The following SH3PXD2A variants were observed in gnomAD, a reference collection of about 807,000 sequenced individuals.
SH3PXD2A encodes SH3 and PX domain-containing protein 2A.
Under a neutral mutation model 115.2 loss-of-function variants are expected in SH3PXD2A, and 32 were observed. That is an observed-to-expected ratio of 0.28 (90% CI 0.21 to 0.37). The LOEUF (loss-of-function observed/expected upper bound fraction) is 0.37, where lower values mean the gene tolerates loss of function less well. SH3PXD2A is among the 10% of genes least tolerant of loss of function. The pLI, the probability that SH3PXD2A is intolerant of heterozygous loss-of-function variation, is 1.00. For synonymous variants in SH3PXD2A, 610 were observed against 629.1 expected, an observed-to-expected ratio of 0.97 and a Z score of 0.45; for missense variants, 1,328 against 1,498.7, an observed-to-expected ratio of 0.89 and a Z score of 1.88.
At position 103,603,405 on chromosome 10, in the gene SH3PXD2A, C is replaced by T. The variant is rs2036250572; in HGVS notation, c.1813G>A (p.Val605Met). Reference sequence around the variant, plus strand: ...GCCACATCCTCTGAAGACTCACCCACCTTGAAGCGGGCCCGCTGCAGAGAA... The same window carrying T: ...GCCACATCCTCTGAAGACTCACCCATCTTGAAGCGGGCCCGCTGCAGAGAA... ...ASSLQRARFK[V>M]GESSEDVALE... is the part of the protein sequence containing the mutation. The change falls in exon 15 of 15, where the codon GTG becomes ATG. Residue 605 changes from valine to methionine, a missense_variant. Coordinates refer to ENST00000369774, the MANE Select transcript of SH3PXD2A (RefSeq NM_001394015.1). 8.7e-6 allele frequency: 14 copies of T among 1,614,146 alleles called. No individual in the cohort carries two copies. The highest frequency in any genetic ancestry group is 1.1e-5 in the Non-Finnish European group (13 of 1,180,014).
chr10:103,843,771 G>C (rs1393511471), intron 1 of SH3PXD2A, among the ~76,000 whole-genome samples: 3 of 152,176 alleles, frequency 2.0e-5, no homozygotes, highest in African/African-American at 7.2e-5. Context: ...AAGCCGTCGG[G>C]CTTTGTTCCT....
At chr10:103,798,319 T>C (rs1404137162) in intron 2 of SH3PXD2A, among the ~76,000 whole-genome samples, 2 of 152,168 alleles carry the variant, frequency 1.3e-5, no homozygotes, top group Non-Finnish European at 2.9e-5. Flanking sequence ...CAGTTCTTTT[T>C]GTTTTTTTGA....
chr10:103,661,734 A>C (rs1320144099), intron 7 of SH3PXD2A: 2 of 984,872 alleles, frequency 2.0e-6, no homozygotes, highest in African/African-American at 3.5e-5. Flanking sequence ...AGGAGTCAAG[A>C]GGGTTTGAGG....
intron 3 of SH3PXD2A, among the ~76,000 whole-genome samples, chr10:103,737,020 T>C (rs1589435392): frequency 1.3e-5 from 2 of 152,334 alleles, no homozygotes; most frequent in South Asian, 4.1e-4. Flanking sequence ...GTTGCTAAGC[T>C]GGCAGGATGA....
At chr10:103,820,924 C>A (rs985691043) in intron 1 of SH3PXD2A, among the ~76,000 whole-genome samples, 15 of 152,162 alleles carry the variant, frequency 9.9e-5, no homozygotes, top group African/African-American at 3.6e-4. Flanking sequence ...ACAGCCAAAA[C>A]CAATTCAGGG....
intron 6 of SH3PXD2A, among the ~76,000 whole-genome samples, chr10:103,670,042 C>A (rs2037436646): frequency 6.6e-6 from 1 of 152,212 alleles, no homozygotes; most frequent in Admixed American, 6.5e-5. Flanking sequence ...CCATCTCTTG[C>A]AGGGACACAC....
At chr10:103,850,479 G>A (rs938574371) in intron 1 of SH3PXD2A, among the ~76,000 whole-genome samples, 4 of 152,232 alleles carry the variant, frequency 2.6e-5, no homozygotes, top group East Asian at 1.9e-4. Flanking sequence ...AAGAGAGACA[G>A]AGGGACAGAG....
intron 1 of SH3PXD2A, among the ~76,000 whole-genome samples, chr10:103,842,286 G>T (rs2039608974): frequency 1.3e-5 from 2 of 151,936 alleles, no homozygotes; most frequent in Admixed American, 1.3e-4. Flanking sequence ...ATATATAATA[G>T]TTATACAAAT....
At chr10:103,606,824 C>T (rs1414701833) in intron 13 of SH3PXD2A, among the ~76,000 whole-genome samples, 36 of 152,272 alleles carry the variant, frequency 2.4e-4, no homozygotes, top group Admixed American at 1.3e-3. Flanking sequence ...TGGAGTGCAG[C>T]GGCGTGATCT....
intron 13 of SH3PXD2A, among the ~76,000 whole-genome samples, 173 bp from the exon 14 acceptor site, chr10:103,606,090 G>A (rs1311774778): frequency 2.6e-5 from 4 of 152,106 alleles, no homozygotes; most frequent in Admixed American, 2.6e-4. Context: ...TATATCGCCA[G>A]GGGACTACTC....
intron 1 of SH3PXD2A, among the ~76,000 whole-genome samples, chr10:103,803,337 A>G (rs571042744): frequency 6.6e-6 from 1 of 152,368 alleles, no homozygotes; most frequent in African/African-American, 2.4e-5. Context: ...AAATGGGGGT[A>G]TGCTTTGCTT....
intron 3 of SH3PXD2A, among the ~76,000 whole-genome samples, chr10:103,764,329 A>T (rs957322879): frequency 2.0e-5 from 3 of 152,202 alleles, no homozygotes; most frequent in African/African-American, 7.2e-5. Context: ...ACCCCGGGGT[A>T]GGATTCCAAA....
intron 12 of SH3PXD2A, 82 bp from the exon 13 acceptor site, chr10:103,611,712 A>G (rs2036432003): frequency 1.9e-6 from 2 of 1,053,324 alleles, no homozygotes; most frequent in Non-Finnish European, 1.5e-6. Flanking sequence ...AGGTGAAACT[A>G]ACTCCTGATC....
At chr10:103,804,746 G>A (rs763635791) in intron 1 of SH3PXD2A, among the ~76,000 whole-genome samples, 8 of 152,162 alleles carry the variant, frequency 5.3e-5, no homozygotes, top group Non-Finnish European at 1.2e-4. Flanking sequence ...CTGAGACCAA[G>A]AAGACACAGA....
intron 13 of SH3PXD2A, among the ~76,000 whole-genome samples, chr10:103,608,451 GA>G (rs1323685739): frequency 9.5e-6 from 1 of 105,806 alleles, no homozygotes; most frequent in African/African-American, 3.5e-5. Flanking sequence ...AAAAAAAAAA[GA>G]AAAATTGTGT....
intron 8 of SH3PXD2A, among the ~76,000 whole-genome samples, chr10:103,650,303 CCCACAGATGTG>C (rs1300467392): frequency 1.3e-5 from 2 of 152,214 alleles, no homozygotes; most frequent in Non-Finnish European, 2.9e-5. Context: ...GCACCAGCAG[CCCACAGATGTG>C]CCACAGCCCT....
At chr10:103,814,024 A>C (rs1049772860) in intron 1 of SH3PXD2A, among the ~76,000 whole-genome samples, 11 of 151,852 alleles carry the variant, frequency 7.2e-5, no homozygotes, top group African/African-American at 2.7e-4. Flanking sequence ...AACAACAAAA[A>C]AAAAACCACA....
Position 103,672,759 on chromosome 10 carries a change from G to C in SH3PXD2A, c.428-4107C>G, listed in dbSNP as rs540620246. Among the ~76,000 whole-genome samples, 4 of 152,350 alleles carry C rather than the reference G, an allele frequency of 2.6e-5. No homozygotes were observed. The South Asian group carries it at 8.3e-4, about 32-fold the overall frequency. On this transcript the variant is annotated intron_variant, in intron 6 of 14. Transcript: ENST00000369774. The stretch of plus-strand genomic sequence containing the variant: ...CCTGGGAAAGGTTTTGGAGGGCTGG[G>C]AATTAGGCCTCTGGACACAAAGAGG...
rs2036108627 is a variant in SH3PXD2A, at chr10:103,594,627, C to T, written c.*7189G>A. On this transcript the variant is annotated 3_prime_UTR_variant, in exon 15 of 15. Coordinates refer to ENST00000369774, the MANE Select transcript of SH3PXD2A (RefSeq NM_001394015.1). ...CCTGGTGGGGAAACCCATTTCCCAT[C>T]CTGTGTCTTGGATTTAAAGAAAACC... is the stretch of plus-strand genomic sequence containing the variant. The T allele has an allele frequency of 6.6e-6, 1 of 152,230 alleles. No homozygotes were observed. The highest frequency in any genetic ancestry group is 1.5e-5 in the Non-Finnish European group (1 of 68,050). 9.4% of individuals were successfully genotyped at this position (152,230 alleles called of 1,614,324 possible).
Sources: allele counts gnomAD v4.1 joint callset (sites outside exome capture counted in the v4.1 genomes callset), GRCh38; gene constraint gnomAD v4.1.1; transcripts MANE v1.5; gene names NCBI Gene and HGNC (gene_info 2026-07-23, HGNC 2026-07-21).